SLC25A13: variants seen among roughly 807,000 people sequenced by gnomAD.
SLC25A13 encodes the protein solute carrier family 25 member 13.
In SLC25A13, 70 loss-of-function variants were observed where a neutral mutation model predicts 85.5. The observed-to-expected ratio is 0.82, with a 90% CI of 0.68 to 1.00. The LOEUF (loss-of-function observed/expected upper bound fraction) is 1.00. Among genes scored for constraint, SLC25A13 ranks in the 50% least tolerant of loss-of-function variants. The pLI, the probability that SLC25A13 is intolerant of heterozygous loss-of-function variation, is 0.00. For synonymous variants in SLC25A13, 259 were observed against 288.7 expected (o/e 0.90, Z 1.04); for missense variants, 765 against 819.8 (o/e 0.93, Z 0.82).
At chr7:96,294,623 A>AC (rs71529822) in intron 2 of SLC25A13, among the ~76,000 whole-genome samples, 12 of 150,820 alleles carry the variant, frequency 8.0e-5, no homozygotes, top group African/African-American at 2.9e-4. Flanking sequence ...AAAAAAAAAA[A>AC]GAAAAAAAAG....
At chr7:96,145,429 G>C (rs139190237) in intron 14 of SLC25A13, among the ~76,000 whole-genome samples, 46 of 152,240 alleles carry the variant, frequency 3.0e-4, no homozygotes, top group African/African-American at 8.9e-4. Context: ...GAGTAAAAAA[G>C]TATTTCTGGG....
intron 3 of SLC25A13, among the ~76,000 whole-genome samples, chr7:96,270,846 G>A (rs1195119833): frequency 4.6e-5 from 7 of 152,296 alleles, no homozygotes; most frequent in East Asian, 3.9e-4. Flanking sequence ...AGGCTCTTGC[G>A]GAAAATCCCC....
At chr7:96,280,301 T>A (rs986900430) in intron 2 of SLC25A13, among the ~76,000 whole-genome samples, 3 of 152,214 alleles carry the variant, frequency 2.0e-5, no homozygotes, top group African/African-American at 7.2e-5. Context: ...AAAAAAGACA[T>A]TGAATTATTT....
Position 96,280,533 on chromosome 7 carries a change from T to C in SLC25A13, c.70-3195A>G, listed in dbSNP as rs114728256. 9.9e-3 allele frequency among the ~76,000 whole-genome samples: 1,513 copies of C among 152,168 alleles called. 29 individuals are homozygous for C. Among genetic ancestry groups the C allele is most frequent in the African/African-American group, 0.035 (1,451 of 41,508 alleles). ...GAGTTCAAGACCAGCCTGGGCAAGA[T>C]GGCGGAACTCCATCTCTACAAAAAA... is the stretch of plus-strand genomic sequence containing the variant. On this transcript the variant is annotated intron_variant, in intron 2 of 17. Transcript: ENST00000265631.
At chr7:96,198,728 G>C (rs1400468518) in intron 5 of SLC25A13, among the ~76,000 whole-genome samples, 2 of 152,176 alleles carry the variant, frequency 1.3e-5, no homozygotes, top group African/African-American at 2.4e-5. Flanking sequence ...GTCATAACTA[G>C]ATTTGGACAG....
chr7:96,303,588 T>C (rs1412066641), intron 1 of SLC25A13, among the ~76,000 whole-genome samples: 1 of 152,232 alleles, frequency 6.6e-6, no homozygotes, highest in East Asian at 1.9e-4. Flanking sequence ...CCAGACTCCC[T>C]TGCTGCTATG....
intron 2 of SLC25A13, among the ~76,000 whole-genome samples, chr7:96,295,734 C>T (rs1799317977): frequency 6.6e-6 from 1 of 152,078 alleles, no homozygotes; most frequent in Non-Finnish European, 1.5e-5. Context: ...CCTTTCTACA[C>T]CATATTCAGT....
chr7:96,294,508 C>T (rs567853286), intron 2 of SLC25A13, among the ~76,000 whole-genome samples: 5 of 151,322 alleles, frequency 3.3e-5, no homozygotes, highest in Admixed American at 3.3e-4. Flanking sequence ...ACTCGGGAGG[C>T]TGAGGCATGA....
At chr7:96,274,582 A>C (rs559226339) in intron 3 of SLC25A13, among the ~76,000 whole-genome samples, 1,667 of 152,056 alleles carry the variant, frequency 0.011, 29 homozygotes, top group African/African-American at 0.039. Flanking sequence ...AAGTCCTTGC[A>C]CATGCCTATG....
Position 96,272,018 on chromosome 7 carries a change from T to C in SLC25A13, c.212+5178A>G, listed in dbSNP as rs563861800. Among the ~76,000 whole-genome samples the C allele has an allele frequency of 2.0e-5, 3 of 152,110 alleles. No individual in the cohort carries two copies. The South Asian group carries it at 6.2e-4, about 31-fold the overall frequency. ...CTCTTGCCTCAGCCTCCCGAGTAGC[T>C]AGGATTACAGGTTACGGCCACCATG... On this transcript the variant is annotated intron_variant, in intron 3 of 17. Coordinates refer to ENST00000265631, the MANE Select transcript of SLC25A13 (RefSeq NM_014251.3).
chr7:96,289,192 G>A (rs952057580), intron 2 of SLC25A13, among the ~76,000 whole-genome samples: 6 of 152,190 alleles, frequency 3.9e-5, no homozygotes, highest in Non-Finnish European at 7.3e-5. Context: ...CTGCAGCTGA[G>A]GGTCCTGACT....
At chr7:96,185,395 C>T (rs922880610) in intron 9 of SLC25A13, among the ~76,000 whole-genome samples, 4 of 149,570 alleles carry the variant, frequency 2.7e-5, no homozygotes, top group African/African-American at 9.9e-5. Flanking sequence ...CACAGGAGTT[C>T]AAGACCAGCC....
intron 4 of SLC25A13, among the ~76,000 whole-genome samples, chr7:96,216,745 G>C (rs868793377): frequency 9.9e-5 from 15 of 152,280 alleles, no homozygotes; most frequent in Middle Eastern, 3.4e-3. Context: ...GGGCCTACCA[G>C]AGGGTAAAGG....
intron 11 of SLC25A13, among the ~76,000 whole-genome samples, chr7:96,178,438 A>G (rs1479928744): frequency 6.6e-6 from 1 of 152,178 alleles, no homozygotes; most frequent in African/African-American, 2.4e-5. Flanking sequence ...TAGAGGGCAG[A>G]AGGTATTCAG....
chr7:96,208,496 C>A lies in SLC25A13; in HGVS notation c.468+342G>T, dbSNP rs535555681. On this transcript the variant is annotated intron_variant, in intron 5 of 17. Transcript: ENST00000265631. ...ATTTGATTCCAGGTTTACTTATTTA[C>A]CCTTTTAACTTTTTTTTTTTTTTTT... 2.0e-4 allele frequency among the ~76,000 whole-genome samples: 30 copies of A among 151,638 alleles called. No individual in the cohort carries two copies. The East Asian group carries it at 2.3e-3, about 12-fold the overall frequency.
intron 3 of SLC25A13, among the ~76,000 whole-genome samples, chr7:96,271,057 A>G (rs1798221624): frequency 6.6e-6 from 1 of 152,200 alleles, no homozygotes; most frequent in African/African-American, 2.4e-5. Context: ...CTTCATCTCA[A>G]AATTCTTGAT....
intron 3 of SLC25A13, among the ~76,000 whole-genome samples, chr7:96,258,325 T>C (rs184160553): frequency 6.6e-6 from 1 of 152,280 alleles, no homozygotes; most frequent in Admixed American, 6.5e-5. Flanking sequence ...AACCCCATCG[T>C]CTCAGCCCAA....
chr7:96,153,690 A>G (rs1380549812), intron 13 of SLC25A13, among the ~76,000 whole-genome samples: 1 of 152,246 alleles, frequency 6.6e-6, no homozygotes, highest in African/African-American at 2.4e-5. Context: ...GGAACTGAGG[A>G]ACATTTTATT....
At position 96,321,973 on chromosome 7, in the gene SLC25A13, G is replaced by T; in HGVS notation, c.-17C>A. 1 of 1,538,730 alleles carries T rather than the reference G, an allele frequency of 6.5e-7. No individual in the cohort carries two copies. Among genetic ancestry groups the T allele is most frequent in the Non-Finnish European group, 8.7e-7 (1 of 1,143,914 alleles). ...GGCCGCCATGATTCGCCCCGGTTGC[G>T]GGCGACTGCGGGACCCACTGACTGG... On this transcript the variant is annotated 5_prime_UTR_variant, in exon 1 of 18. Transcript: ENST00000265631.
Sources: gnomAD v4.1 joint callset for allele counts (sites outside exome capture counted in the v4.1 genomes callset) on GRCh38, gnomAD v4.1.1 for gene constraint, MANE v1.5 for transcripts, NCBI Gene and HGNC (gene_info 2026-07-23, HGNC 2026-07-21) for gene names.